CFAP210: variants seen among roughly 807,000 people sequenced by gnomAD.
CFAP210 encodes cilia and flagella associated protein 210.
chr2:169,694,338 G>T, the CFAP210 span: 1 of 1,613,576 alleles, frequency 6.2e-7, no homozygotes, highest in Non-Finnish European at 8.5e-7. Context: ...GATGCTCCTA[G>T]ATCTGGAAAA....
chr2:169,656,336 G>A, the CFAP210 span, among the ~76,000 whole-genome samples: 3 of 148,474 alleles, frequency 2.0e-5, no homozygotes, highest in African/African-American at 7.5e-5. Context: ...AGGAGGAGAA[G>A]GAGAAGAGAG....
the CFAP210 span, among the ~76,000 whole-genome samples, chr2:169,681,880 AAGAC>A: frequency 5.8e-3 from 890 of 152,324 alleles, 12 homozygotes; most frequent in African/African-American, 0.02. Context: ...ACAAGGAAGA[AAGAC>A]AGACAAACAG....
the CFAP210 span, among the ~76,000 whole-genome samples, chr2:169,674,370 T>C: frequency 1.3e-5 from 2 of 152,206 alleles, no homozygotes; most frequent in African/African-American, 4.8e-5. Context: ...CTAGATTGTG[T>C]GGTTGTGTAT....
At chr2:169,649,097 A>G in the CFAP210 span, 57 of 1,214,470 alleles carry the variant, frequency 4.7e-5, no homozygotes, top group African/African-American at 6.0e-4. Flanking sequence ...TTACCTGATG[A>G]AACTGCTTGG....
chr2:169,691,690 TCTTTTC>T, the CFAP210 span, among the ~76,000 whole-genome samples: 143 of 152,340 alleles, frequency 9.4e-4, 1 homozygote, highest in African/African-American at 3.3e-3. Flanking sequence ...ATACTTTATT[TCTTTTC>T]ATCTTTCATA....
chr2:169,647,351 A>C, the CFAP210 span, among the ~76,000 whole-genome samples: 1 of 152,184 alleles, frequency 6.6e-6, no homozygotes, highest in African/African-American at 2.4e-5. Context: ...GGAAGGAAAG[A>C]ATTACTATAA....
chr2:169,654,664 G>T, the CFAP210 span, among the ~76,000 whole-genome samples: 1 of 151,844 alleles, frequency 6.6e-6, no homozygotes, highest in Non-Finnish European at 1.5e-5. Context: ...TTATCCCTGG[G>T]GTATGAGATA....
the CFAP210 span, among the ~76,000 whole-genome samples, chr2:169,680,061 A>T: frequency 1.6e-3 from 245 of 152,322 alleles, no homozygotes; most frequent in African/African-American, 5.6e-3. Flanking sequence ...AAATTATCTA[A>T]GCTCAATGAC....
the CFAP210 span, among the ~76,000 whole-genome samples, chr2:169,678,511 T>G: frequency 6.6e-6 from 1 of 151,986 alleles, no homozygotes. Flanking sequence ...CTTTTTCGCA[T>G]GAATTGACAA....
At chr2:169,672,954 A>T in the CFAP210 span, among the ~76,000 whole-genome samples, 1 of 152,146 alleles carries the variant, frequency 6.6e-6, no homozygotes, top group South Asian at 2.1e-4. Context: ...ATTCTATACC[A>T]CTGGTCTTAC....
At chr2:169,669,876 C>T in the CFAP210 span, among the ~76,000 whole-genome samples, 1 of 151,642 alleles carries the variant, frequency 6.6e-6, no homozygotes, top group Non-Finnish European at 1.5e-5. Flanking sequence ...ATGGAGATAC[C>T]ATGGAAGCAG....
chr2:169,693,689 A>G, the CFAP210 span, among the ~76,000 whole-genome samples: 4 of 152,240 alleles, frequency 2.6e-5, no homozygotes, highest in Admixed American at 1.3e-4. Context: ...AGGTCACCTG[A>G]ATTACAGTAC....
chr2:169,694,328 G>A, the CFAP210 span: 100 of 1,613,948 alleles, frequency 6.2e-5, no homozygotes, highest in Non-Finnish European at 8.0e-5. Flanking sequence ...AGGTGTCCAT[G>A]ATGCTCCTAG....
At chr2:169,647,588 G>A in the CFAP210 span, among the ~76,000 whole-genome samples, 1 of 151,984 alleles carries the variant, frequency 6.6e-6, no homozygotes, top group African/African-American at 2.4e-5. Context: ...GTACCTAAGA[G>A]GAACCAAGTA....
the CFAP210 span, chr2:169,648,098 C>T: frequency 6.2e-6 from 1 of 161,676 alleles, no homozygotes; most frequent in Non-Finnish European, 1.3e-5. Context: ...AGAGGTTGCA[C>T]TGAGCCGAGA....
chr2:169,665,351 T>TCATA, the CFAP210 span, among the ~76,000 whole-genome samples: 1 of 152,212 alleles, frequency 6.6e-6, no homozygotes, highest in Admixed American at 6.5e-5. Context: ...AGTGGTACAA[T>TCATA]CATAGCTCAC....
At chr2:169,686,766 C>T in the CFAP210 span, among the ~76,000 whole-genome samples, 33 of 152,172 alleles carry the variant, frequency 2.2e-4, no homozygotes, top group Middle Eastern at 3.2e-3. Context: ...TCAATACTGT[C>T]ATTTTGGGAA....
chr2:169,666,717 G>A, the CFAP210 span, among the ~76,000 whole-genome samples: 18 of 152,092 alleles, frequency 1.2e-4, no homozygotes, highest in Non-Finnish European at 1.5e-4. Context: ...ACGTAATGCT[G>A]TTGGATGGCA....
the CFAP210 span, among the ~76,000 whole-genome samples, chr2:169,656,506 G>C: frequency 6.6e-6 from 1 of 151,700 alleles, no homozygotes; most frequent in African/African-American, 2.4e-5. Flanking sequence ...GCGGGAGGAG[G>C]AGGAGGAGGA....
Sources: allele counts gnomAD v4.1 joint callset (sites outside exome capture counted in the v4.1 genomes callset), GRCh38; gene constraint gnomAD v4.1.1; transcripts MANE v1.5; gene names NCBI Gene and HGNC (gene_info 2026-07-23, HGNC 2026-07-21).